The following MFHAS1 variants were observed in gnomAD, a reference collection of about 807,000 sequenced individuals.
MFHAS1 encodes multifunctional ROCO family signaling regulator 1.
MFHAS1 carries 50 observed loss-of-function variants against 70.4 expected under a neutral mutation model. The ratio of observed to expected loss-of-function variants is 0.71; its 90% confidence interval spans 0.57 to 0.90. The LOEUF is 0.90. Among genes scored for constraint, MFHAS1 ranks in the 40% least tolerant of loss-of-function variants. The pLI is 0.00. For missense variants in MFHAS1, 1,795 were observed against 1,347.6 expected (o/e 1.33, Z -5.20); for synonymous variants, 952 against 620.0 (o/e 1.54, Z -7.96).
At position 8,888,958 on chromosome 8, in the gene MFHAS1, G is replaced by A. The variant is rs187728309; in HGVS notation, c.2998+1103C>T. ...TACGCATGTGGGGAAGGGGATATAT[G>A]GGAAATCTCTGTACCTTCTGTTCAG... On this transcript the variant is annotated intron_variant, in intron 1 of 2. Transcript: ENST00000276282. 7.1e-3 allele frequency among the ~76,000 whole-genome samples: 1,069 copies of A among 150,426 alleles called. 5 individuals are homozygous for A. Among genetic ancestry groups the A allele is most frequent in the Non-Finnish European group, 9.6e-3 (650 of 67,804 alleles).
chr8:8,835,253 T>G (rs982173246), intron 1 of MFHAS1, among the ~76,000 whole-genome samples: 2 of 152,168 alleles, frequency 1.3e-5, no homozygotes, highest in East Asian at 3.9e-4. Context: ...ATCACACACT[T>G]AAAAAAATAG....
At chr8:8,846,581 C>T (rs976482617) in intron 1 of MFHAS1, among the ~76,000 whole-genome samples, 3 of 152,024 alleles carry the variant, frequency 2.0e-5, no homozygotes. Flanking sequence ...CACAGAATCT[C>T]CCCTCTGCTG....
chr8:8,822,394 G>A lies in MFHAS1; in HGVS notation c.2999-24903C>T, dbSNP rs529710967. ...GCCTGATGCAGAGGGACAGAGATGG[G>A]GGCAGGGGATGGAGCGGGAGACAGG... On this transcript the variant is annotated intron_variant, in intron 1 of 2. Transcript: ENST00000276282. Among the ~76,000 whole-genome samples the A allele has an allele frequency of 3.3e-5, 5 of 152,184 alleles. No individual in the cohort carries two copies. The East Asian group carries it at 9.6e-4, about 29-fold the overall frequency.
chr8:8,843,618 G>A (rs1325392083), intron 1 of MFHAS1, among the ~76,000 whole-genome samples: 1 of 152,140 alleles, frequency 6.6e-6, no homozygotes, highest in East Asian at 1.9e-4. Context: ...GAAAGTGAGA[G>A]AGAAAGCAGG....
At chr8:8,848,641 C>A (rs924227278) in intron 1 of MFHAS1, among the ~76,000 whole-genome samples, 1 of 152,070 alleles carries the variant, frequency 6.6e-6, no homozygotes, top group Admixed American at 6.6e-5. Context: ...ACAATCAGAT[C>A]TCGCAAGAGG....
chr8:8,866,656 G>A (rs887227574), intron 1 of MFHAS1, among the ~76,000 whole-genome samples: 1 of 152,128 alleles, frequency 6.6e-6, no homozygotes, highest in Non-Finnish European at 1.5e-5. Flanking sequence ...AAGGATCCGT[G>A]ATACAAAATG....
At chr8:8,840,254 T>C (rs1173889608) in intron 1 of MFHAS1, among the ~76,000 whole-genome samples, 2 of 152,116 alleles carry the variant, frequency 1.3e-5, no homozygotes, top group Non-Finnish European at 2.9e-5. Context: ...GTCAGGAGTT[T>C]CAGGCTAGCC....
chr8:8,854,869 C>G (rs746726628), intron 1 of MFHAS1, among the ~76,000 whole-genome samples: 3 of 152,050 alleles, frequency 2.0e-5, no homozygotes, highest in Non-Finnish European at 4.4e-5. Context: ...ATTTAACTGG[C>G]TATCCTGTTT....
At chr8:8,842,680 A>G (rs1807877336) in intron 1 of MFHAS1, among the ~76,000 whole-genome samples, 1 of 152,092 alleles carries the variant, frequency 6.6e-6, no homozygotes, top group Non-Finnish European at 1.5e-5. Flanking sequence ...CCCCTGCCCC[A>G]ATCTCTGGAC....
chr8:8,800,029 T>G (rs988432027), intron 1 of MFHAS1, among the ~76,000 whole-genome samples: 1 of 152,176 alleles, frequency 6.6e-6, no homozygotes, highest in African/African-American at 2.4e-5. Flanking sequence ...CCCTTACTCT[T>G]TGCCCCCAGG....
intron 1 of MFHAS1, among the ~76,000 whole-genome samples, chr8:8,875,729 T>G (rs1318893706): frequency 1.3e-5 from 2 of 152,116 alleles, no homozygotes; most frequent in African/African-American, 4.8e-5. Context: ...TAGCTGGGAT[T>G]ACAGGTGCGT....
intron 1 of MFHAS1, among the ~76,000 whole-genome samples, chr8:8,831,703 G>C (rs1807394702): frequency 6.6e-6 from 1 of 151,666 alleles, no homozygotes; most frequent in African/African-American, 2.4e-5. Context: ...CCGCCTCCCA[G>C]GTTCAAGCGA....
At chr8:8,829,751 C>T (rs1347275706) in intron 1 of MFHAS1, among the ~76,000 whole-genome samples, 1 of 152,152 alleles carries the variant, frequency 6.6e-6, no homozygotes, top group Non-Finnish European at 1.5e-5. Flanking sequence ...GTGCCTGACA[C>T]AATGGCAGGA....
At chr8:8,824,567 ACC>A (rs869292300) in intron 1 of MFHAS1, among the ~76,000 whole-genome samples, 1 of 140,216 alleles carries the variant, frequency 7.1e-6, no homozygotes, top group African/African-American at 2.8e-5. Flanking sequence ...ACACACACAC[ACC>A]CCTTTCTGCT....
intron 1 of MFHAS1, among the ~76,000 whole-genome samples, chr8:8,829,297 G>A (rs536451691): frequency 5.3e-5 from 8 of 152,252 alleles, no homozygotes; most frequent in South Asian, 2.1e-4. Context: ...ACCCTTCTCC[G>A]TGCAGCTCAG....
At chr8:8,817,166 T>C (rs934190978) in intron 1 of MFHAS1, among the ~76,000 whole-genome samples, 3 of 151,906 alleles carry the variant, frequency 2.0e-5, no homozygotes, top group African/African-American at 7.3e-5. Flanking sequence ...CCATCCTCTC[T>C]CCATCTAAAC....
At chr8:8,788,700 T>C (rs1805631049) in intron 2 of MFHAS1, among the ~76,000 whole-genome samples, 1 of 152,014 alleles carries the variant, frequency 6.6e-6, no homozygotes, top group Non-Finnish European at 1.5e-5. Flanking sequence ...CAAAAAGTAT[T>C]GAGGAGACAT....
At chr8:8,826,540 C>A (rs1585037579) in intron 1 of MFHAS1, among the ~76,000 whole-genome samples, 1 of 152,142 alleles carries the variant, frequency 6.6e-6, no homozygotes, top group South Asian at 2.1e-4. Context: ...CAAGACCTGC[C>A]TGGCCAACAC....
rs1199649332 is a variant in MFHAS1, at chr8:8,790,779, G to A, written c.3126-4724C>T. 2.6e-5 allele frequency among the ~76,000 whole-genome samples: 4 copies of A among 152,166 alleles called. No individual in the cohort carries two copies. The South Asian group carries it at 6.2e-4, about 24-fold the overall frequency. ...CTAATTTGTGTGCTGTTAGGCATAC[G>A]TGGCCTGTTTATTTGGTGATATAAA... On this transcript the variant is annotated intron_variant, in intron 2 of 2. Transcript: ENST00000276282.
Sources: gnomAD v4.1 joint callset for allele counts (sites outside exome capture counted in the v4.1 genomes callset) on GRCh38, gnomAD v4.1.1 for gene constraint, MANE v1.5 for transcripts, NCBI Gene and HGNC (gene_info 2026-07-23, HGNC 2026-07-21) for gene names.